Variants in RUFY1 observed in about 807,000 individuals in gnomAD.
The protein encoded by RUFY1 is RUN and FYVE domain-containing protein 1.
Under a neutral mutation model 94.6 loss-of-function variants are expected in RUFY1, and 54 were observed. The ratio of observed to expected loss-of-function variants is 0.57; its 90% CI spans 0.46 to 0.72. The LOEUF (loss-of-function observed/expected upper bound fraction) is 0.72. Ranked by LOEUF, RUFY1 falls within the 30% of genes least tolerant of loss-of-function variation. The probability of loss-of-function intolerance (pLI) is 0.00; values close to 1 mark genes in which losing one functional copy is unlikely to be tolerated. For synonymous variants in RUFY1, 396 were observed against 347.3 expected (o/e 1.14, Z -1.56); for missense variants, 883 against 883.9 (o/e 1.00, Z 0.01).
At chr5:179,589,492 T>G in intron 8 of RUFY1, 54 bp from the exon 9 acceptor site, 1 of 1,134,216 alleles carries the variant, frequency 8.8e-7, no homozygotes. Flanking sequence ...GTTTTTAATT[T>G]GAACAATAAG....
In RUFY1 at chr5:179,593,728, A is replaced by T. The variant is rs113452868; in HGVS notation, c.1413+83A>T. On this transcript the variant is annotated intron_variant, in intron 11 of 17. Coordinates refer to ENST00000319449, the MANE Select transcript of RUFY1 (RefSeq NM_025158.5). ...TGTCATTCTTCTTACAAAATGAGCGAGTAGACACATAGAGCCCCTCGTATG... is the reference window on the plus strand; with the variant it reads ...TGTCATTCTTCTTACAAAATGAGCGTGTAGACACATAGAGCCCCTCGTATG... 9.3e-4 allele frequency: 1,421 copies of T among 1,528,320 alleles called. 16 individuals carry two copies. In the African/African-American group the frequency reaches 0.018, roughly 19 times the overall value. 94.7% of individuals were successfully genotyped at this position (1,528,320 alleles called of 1,614,324 possible).
intron 17 of RUFY1, chr5:179,608,325 C>T (rs1010597317): frequency 2.0e-5 from 20 of 985,586 alleles, no homozygotes; most frequent in Non-Finnish European, 2.2e-5. Context: ...CTACCCCACC[C>T]GCTCCCCAAC....
intron 17 of RUFY1, chr5:179,608,418 A>G (rs919085833): frequency 4.7e-5 from 46 of 985,370 alleles, no homozygotes; most frequent in Non-Finnish European, 5.4e-5. Context: ...ATGTGTCTAC[A>G]AGGCCTGGCT....
rs575270146 is a variant in RUFY1 at position 179,559,507 on chromosome 5, T to A, written c.311-518T>A. The stretch of plus-strand genomic sequence containing the variant: ...GCAAGAGAGAAGGCTGGAAAAGCCT[T>A]CTGGGCGGGGTGCGCATCCTCCTCC... On this transcript the variant is annotated intron_variant, in intron 1 of 17. Coordinates refer to ENST00000319449, the MANE Select transcript of RUFY1 (RefSeq NM_025158.5). 8.5e-4 allele frequency among the ~76,000 whole-genome samples: 129 copies of A among 152,282 alleles called. 2 individuals carry two copies. Among genetic ancestry groups the A allele is most frequent in the African/African-American group, 3.1e-3 (128 of 41,576 alleles).
intron 7 of RUFY1, among the ~76,000 whole-genome samples, chr5:179,582,695 T>C (rs966146445): frequency 1.8e-4 from 28 of 151,656 alleles, no homozygotes; most frequent in Non-Finnish European, 2.9e-5. Context: ...AATACAAAAT[T>C]AGGCAGGCGT....
chr5:179,565,732 T>C lies in RUFY1; in HGVS notation c.603-1729T>C, dbSNP rs536244603. Among the ~76,000 whole-genome samples the C allele has an allele frequency of 9.8e-5, 15 of 152,334 alleles. No homozygotes were observed. In the South Asian group the frequency reaches 2.3e-3, roughly 23 times the overall value. On this transcript the variant is annotated intron_variant, in intron 3 of 17. Coordinates refer to ENST00000319449, the MANE Select transcript of RUFY1 (RefSeq NM_025158.5). The stretch of plus-strand genomic sequence containing the variant: ...TTCTTGTTACCACAAACCGTGATAA[T>C]GATGAGGTGACCATCCCGAAACATA...
chr5:179,565,193 A>G (rs1451132347), intron 3 of RUFY1, among the ~76,000 whole-genome samples: 3 of 58,838 alleles, frequency 5.1e-5, no homozygotes, highest in Admixed American at 2.5e-4. Context: ...TTTTTTTTTG[A>G]GACAGAGTCT....
chr5:179,607,720 T>C, intron 17 of RUFY1, 61 bp downstream of exon 17: 2 of 1,425,672 alleles, frequency 1.4e-6, no homozygotes, highest in African/African-American at 2.8e-5. Flanking sequence ...GGATTCCCCT[T>C]TCTCTGGTTC....
chr5:179,590,298 G>C (rs977431830), intron 9 of RUFY1, among the ~76,000 whole-genome samples: 7 of 151,030 alleles, frequency 4.6e-5, no homozygotes, highest in African/African-American at 1.7e-4. Context: ...AGCTTGCAGT[G>C]AGCTGAGATC....
chr5:179,581,438 A>ATTT (rs763576066), intron 7 of RUFY1, among the ~76,000 whole-genome samples: 16 of 116,930 alleles, frequency 1.4e-4, no homozygotes, highest in Non-Finnish European at 2.7e-4. Context: ...CTTTATCTTG[A>ATTT]TTTTTTTTTT....
chr5:179,584,142 C>T (rs1467405096), intron 7 of RUFY1, among the ~76,000 whole-genome samples: 1 of 152,160 alleles, frequency 6.6e-6, no homozygotes, highest in Non-Finnish European at 1.5e-5. Context: ...ACTTTCCATT[C>T]CCTCTGTATC....
At chr5:179,558,371 G>A (rs1314024666) in intron 1 of RUFY1, among the ~76,000 whole-genome samples, 2 of 152,078 alleles carry the variant, frequency 1.3e-5, no homozygotes, top group Admixed American at 6.6e-5. Flanking sequence ...TTGGAAGTTC[G>A]AGACCAGCCT....
At chr5:179,596,730 T>C (rs1765683963) in intron 13 of RUFY1, 49 bp downstream of exon 13, 1 of 1,219,184 alleles carries the variant, frequency 8.2e-7, no homozygotes, top group African/African-American at 1.8e-5. Context: ...CAGGAGGGAC[T>C]GGGAAGAACT....
intron 4 of RUFY1, 126 bp from the exon 5 acceptor site, chr5:179,569,175 AG>A: frequency 6.4e-7 from 1 of 1,554,500 alleles, no homozygotes; most frequent in Non-Finnish European, 8.7e-7. Flanking sequence ...AATGAAAGGG[AG>A]GGAGGAAATC....
chr5:179,558,196 A>G (rs140533428), intron 1 of RUFY1, among the ~76,000 whole-genome samples: 288 of 152,302 alleles, frequency 1.9e-3, no homozygotes, highest in African/African-American at 6.8e-3. Flanking sequence ...ATGAAGTTTT[A>G]CAAGTTTTAT....
chr5:179,589,763 T>A (rs1260750366), intron 9 of RUFY1, 116 bp downstream of exon 9: 10 of 815,358 alleles, frequency 1.2e-5, no homozygotes, highest in Non-Finnish European at 1.5e-5. Flanking sequence ...GTGCCTTGCT[T>A]ATGTCAGAAA....
chr5:179,551,041 C>T (rs868465545), intron 1 of RUFY1, among the ~76,000 whole-genome samples, 162 bp downstream of exon 1: 5 of 151,838 alleles, frequency 3.3e-5, no homozygotes, highest in African/African-American at 1.2e-4. Context: ...GTCTTTACTC[C>T]GGCGGCCCAG....
intron 1 of RUFY1, among the ~76,000 whole-genome samples, chr5:179,558,656 C>T (rs1277728900): frequency 6.6e-6 from 1 of 151,990 alleles, no homozygotes; most frequent in Non-Finnish European, 1.5e-5. Flanking sequence ...AGGTGAAATG[C>T]TTAGGCTGTT....
rs548215819 is a variant in RUFY1 at position 179,565,736 on chromosome 5, G to T, written c.603-1725G>T. ...TGTTACCACAAACCGTGATAATGAT[G>T]AGGTGACCATCCCGAAACATACTTC... On this transcript the variant is annotated intron_variant, in intron 3 of 17. Coordinates refer to ENST00000319449, the MANE Select transcript of RUFY1 (RefSeq NM_025158.5). Among the ~76,000 whole-genome samples, 15 of 152,282 alleles carry T rather than the reference G, an allele frequency of 9.9e-5. No homozygotes were observed. The South Asian group carries it at 2.3e-3, about 23-fold the overall frequency.
Sources: allele counts gnomAD v4.1 joint callset (sites outside exome capture counted in the v4.1 genomes callset), GRCh38; gene constraint gnomAD v4.1.1; transcripts MANE v1.5; gene names NCBI Gene and HGNC (gene_info 2026-07-23, HGNC 2026-07-21).